PRKAG2: variants seen among roughly 807,000 people sequenced by gnomAD.
The protein encoded by PRKAG2 is protein kinase AMP-activated non-catalytic subunit gamma 2.
PRKAG2 carries 26 observed loss-of-function variants against 69.6 expected under a neutral mutation model. The ratio of observed to expected loss-of-function variants is 0.37; its 90% CI spans 0.27 to 0.52. The LOEUF (loss-of-function observed/expected upper bound fraction) is 0.52. Among genes scored for constraint, PRKAG2 ranks in the 20% least tolerant of loss-of-function variants. The probability of loss-of-function intolerance (pLI) is 0.90; values close to 1 mark genes in which losing one functional copy is unlikely to be tolerated. For missense variants in PRKAG2, 557 were observed against 740.0 expected (o/e 0.75, Z 2.87); for synonymous variants, 293 against 285.0 (o/e 1.03, Z -0.28).
At chr7:151,729,506 G>A (rs2151673981) in intron 3 of PRKAG2, among the ~76,000 whole-genome samples, 1 of 152,148 alleles carries the variant, frequency 6.6e-6, no homozygotes, top group African/African-American at 2.4e-5. Context: ...TTAATAGTGG[G>A]CTCAGCCCCA....
At chr7:151,857,342 G>T (rs1293963995) in intron 1 of PRKAG2, among the ~76,000 whole-genome samples, 1 of 148,606 alleles carries the variant, frequency 6.7e-6, no homozygotes, top group African/African-American at 2.5e-5. Context: ...CCGATGCCCA[G>T]GTCCGCCTGT....
intron 3 of PRKAG2, among the ~76,000 whole-genome samples, chr7:151,707,838 A>C (rs2727561): frequency 0.68 from 104,141 of 152,074 alleles, 37,250 homozygotes; most frequent in African/African-American, 0.87. Flanking sequence ...TGCCCAACTC[A>C]CCCCGGGGCC....
chr7:151,744,104 C>T (rs59875794), intron 3 of PRKAG2, among the ~76,000 whole-genome samples: 4,565 of 152,238 alleles, frequency 0.03, 234 homozygotes, highest in African/African-American at 0.1. Context: ...GGATAAGTGG[C>T]GTGAAGGCGA....
intron 5 of PRKAG2, among the ~76,000 whole-genome samples, chr7:151,621,882 T>G (rs1021003220): frequency 1.3e-5 from 2 of 152,192 alleles, no homozygotes; most frequent in African/African-American, 4.8e-5. Context: ...GCCGGTGTGC[T>G]TTGATCAACG....
chr7:151,605,310 C>A (rs887855589), intron 5 of PRKAG2, among the ~76,000 whole-genome samples: 7 of 151,752 alleles, frequency 4.6e-5, no homozygotes, highest in Admixed American at 6.6e-5. Context: ...AGCCATCACA[C>A]CCAGCCGTAA....
At chr7:151,568,469 A>G (rs925243029) in intron 11 of PRKAG2, among the ~76,000 whole-genome samples, 9 of 152,208 alleles carry the variant, frequency 5.9e-5, no homozygotes, top group Non-Finnish European at 1.2e-4. Flanking sequence ...TAATTTAAAG[A>G]GAGAATGCCG....
At chr7:151,714,904 C>A (rs996564542) in intron 3 of PRKAG2, among the ~76,000 whole-genome samples, 20 of 151,258 alleles carry the variant, frequency 1.3e-4, no homozygotes, top group Middle Eastern at 3.4e-3. Context: ...GAGCCAAGAT[C>A]GTGCCACTGC....
rs2076412961 is a variant in PRKAG2 at position 151,777,232 on chromosome 7, A to G, written c.466+3920T>C. The stretch of plus-strand genomic sequence containing the variant: ...CACTGCGGCAGCACCCCATGTGGAC[A>G]CCAGCAGAGTCATCCCCAGGCCTGT... On this transcript the variant is annotated intron_variant, in intron 3 of 15. Coordinates refer to ENST00000287878, the MANE Select transcript of PRKAG2 (RefSeq NM_016203.4). This position sits in a 1 kb window ranked among gnomAD's most constrained non-coding sequence, Gnocchi z 4.3. Among the ~76,000 whole-genome samples, 1 of 152,134 alleles carries G rather than the reference A, an allele frequency of 6.6e-6. No homozygotes were observed. The highest frequency in any genetic ancestry group is 1.5e-5 in the Non-Finnish European group (1 of 68,008).
At chr7:151,874,552 G>A (rs1396874295) in intron 1 of PRKAG2, among the ~76,000 whole-genome samples, 4 of 151,022 alleles carry the variant, frequency 2.6e-5, no homozygotes, top group Non-Finnish European at 4.4e-5. Context: ...ATATGTATAT[G>A]TATAAGCCAT....
At chr7:151,750,926 A>G (rs765524624) in intron 3 of PRKAG2, among the ~76,000 whole-genome samples, 4 of 151,640 alleles carry the variant, frequency 2.6e-5, no homozygotes, top group Admixed American at 6.6e-5. Context: ...TATTATATGC[A>G]TTTTACCACA....
At chr7:151,644,318 T>C (rs900826335) in intron 4 of PRKAG2, among the ~76,000 whole-genome samples, 1 of 152,168 alleles carries the variant, frequency 6.6e-6, no homozygotes, top group African/African-American at 2.4e-5. Context: ...TTTTTATCAC[T>C]CCAAAAGTTT....
At chr7:151,599,300 C>T (rs1815411932) in intron 5 of PRKAG2, among the ~76,000 whole-genome samples, 1 of 152,142 alleles carries the variant, frequency 6.6e-6, no homozygotes, top group South Asian at 2.1e-4. Context: ...CAATTTATCA[C>T]AATGCCTTGA....
rs973097209 is a variant in PRKAG2 at position 151,741,284 on chromosome 7, T to C, written c.466+39868A>G. On this transcript the variant is annotated intron_variant, in intron 3 of 15. Coordinates refer to ENST00000287878, the MANE Select transcript of PRKAG2 (RefSeq NM_016203.4). The stretch of plus-strand genomic sequence containing the variant: ...ATCTTTAGGAAAAGACCTGAACAAG[T>C]ATCCCAATAAGAAAGAGGCAGATTT... Among the ~76,000 whole-genome samples, 8 of 152,230 alleles carry C rather than the reference T, an allele frequency of 5.3e-5. No individual in the cohort carries two copies. The East Asian group carries it at 1.2e-3, about 22-fold the overall frequency.
At chr7:151,726,041 G>A (rs1563531434) in intron 3 of PRKAG2, among the ~76,000 whole-genome samples, 3 of 152,238 alleles carry the variant, frequency 2.0e-5, no homozygotes, top group Non-Finnish European at 4.4e-5. Context: ...TCCCAAGGCT[G>A]AGCCCGAGGA....
chr7:151,563,445 A>G (rs189544976), intron 14 of PRKAG2, among the ~76,000 whole-genome samples: 62 of 152,352 alleles, frequency 4.1e-4, no homozygotes, highest in East Asian at 4.0e-3. Flanking sequence ...GAGAGAAAAA[A>G]GTTTTACTGA....
chr7:151,675,519 A>C lies in PRKAG2; in HGVS notation c.585T>G (p.Ser195=), dbSNP rs781522393. ...ERLENRIYAS[S]SPPDTGQRFC... ...ACCTCTGCCCTGTGTCCGGGGGGGA[A>C]GACGAGGCATAGATGCGATTCTCTA... The change falls in exon 4 of 16, where the codon TCT becomes TCG. Residue 195 remains serine, a synonymous_variant. Transcript: ENST00000287878. The C allele has an allele frequency of 1.2e-6, 2 of 1,614,054 alleles. No homozygotes were observed. The highest frequency in any genetic ancestry group is 1.3e-5 in the African/African-American group (1 of 74,930).
chr7:151,812,132 A>G (rs560694129), intron 1 of PRKAG2, among the ~76,000 whole-genome samples: 1 of 152,362 alleles, frequency 6.6e-6, no homozygotes, highest in African/African-American at 2.4e-5. Context: ...GGTAACGTAG[A>G]GACAGATCCT....
rs891717691 is a variant in PRKAG2 at position 151,567,584 on chromosome 7, G to A, written c.1233+1132C>T. On this transcript the variant is annotated intron_variant, in intron 11 of 15. Coordinates refer to ENST00000287878, the MANE Select transcript of PRKAG2 (RefSeq NM_016203.4). The surrounding 1 kb of genome is among the most constrained non-coding windows in gnomAD (Gnocchi z 4.2). ...TACTAAAGCGGCTGCATTCCCAGAT[G>A]TCCAGTCTGATAAACAATGCGGATG... 2.0e-5 allele frequency among the ~76,000 whole-genome samples: 3 copies of A among 152,150 alleles called. No individual in the cohort carries two copies. The highest frequency in any genetic ancestry group is 4.4e-5 in the Non-Finnish European group (3 of 68,030).
At chr7:151,766,168 G>A (rs754026666) in intron 3 of PRKAG2, among the ~76,000 whole-genome samples, 7 of 152,238 alleles carry the variant, frequency 4.6e-5, no homozygotes, top group Non-Finnish European at 1.0e-4. Flanking sequence ...AAAGGACACA[G>A]AGGTGTCACT....
Sources: gnomAD v4.1 joint callset for allele counts (sites outside exome capture counted in the v4.1 genomes callset) on GRCh38, gnomAD v4.1.1 for gene constraint, Gnocchi (gnomAD v3.1) non-coding constraint, MANE v1.5 for transcripts, NCBI Gene and HGNC (gene_info 2026-07-23, HGNC 2026-07-21) for gene names.